The following FAM13B variants were observed in gnomAD, a reference collection of about 807,000 sequenced individuals.
FAM13B encodes protein FAM13B.
FAM13B carries 60 observed loss-of-function variants against 117.3 expected under a neutral mutation model. That is an observed-to-expected ratio of 0.51 (90% confidence interval 0.42 to 0.63). The LOEUF is 0.63. Among genes scored for constraint, FAM13B ranks in the 30% least tolerant of loss-of-function variants. The probability of loss-of-function intolerance (pLI) is 0.00; values close to 1 mark genes in which losing one functional copy is unlikely to be tolerated. For missense variants in FAM13B, 972 were observed against 1,091.9 expected (o/e 0.89, Z 1.55); for synonymous variants, 332 against 356.1 (o/e 0.93, Z 0.76).
At chr5:137,965,041 T>C (rs2150330706) in intron 10 of FAM13B, among the ~76,000 whole-genome samples, 1 of 152,190 alleles carries the variant, frequency 6.6e-6, no homozygotes, top group South Asian at 2.1e-4. Flanking sequence ...AGTGTGCGCC[T>C]GTAATCCCAG....
At chr5:137,971,999 C>T (rs1476364858) in intron 10 of FAM13B, among the ~76,000 whole-genome samples, 6 of 149,524 alleles carry the variant, frequency 4.0e-5, no homozygotes, top group Admixed American at 4.0e-4. Context: ...GAGTCCAGGA[C>T]CAGATGGATT....
intron 10 of FAM13B, among the ~76,000 whole-genome samples, chr5:137,973,807 C>T (rs1380402046): frequency 1.5e-5 from 2 of 134,584 alleles, no homozygotes; most frequent in Middle Eastern, 3.5e-3. Context: ...CATGAACAGA[C>T]ACTTCTCAAA....
chr5:137,948,697 T>C (rs1173889217), intron 18 of FAM13B, among the ~76,000 whole-genome samples: 1 of 152,192 alleles, frequency 6.6e-6, no homozygotes, highest in African/African-American at 2.4e-5. Flanking sequence ...TTCATGCTCT[T>C]TATACACTCA....
intron 7 of FAM13B, among the ~76,000 whole-genome samples, chr5:137,996,686 C>T (rs1165912573): frequency 6.6e-6 from 1 of 151,626 alleles, no homozygotes; most frequent in African/African-American, 2.4e-5. Context: ...CCACCTTCCG[C>T]GTTCAAGCGA....
chr5:137,942,966 A>G lies in FAM13B; in HGVS notation c.2497T>C (p.Ser833Pro), dbSNP rs1214316563. The G allele has an allele frequency of 1.2e-6, 2 of 1,613,768 alleles. No homozygotes were observed. The highest frequency in any genetic ancestry group is 1.3e-5 in the African/African-American group (1 of 75,026). ...TCAGATTCAGAGTTTTCTAATGAAG[A>G]CTGTACCTGTACTGCAGTTTTCAAC... The part of the protein sequence containing the change: ...DMLKTAVQVQ[S>P]SLENSESDVE... Residue 833 changes from serine to proline, a missense_variant, in exon 22 of 24, where the codon TCT (serine) becomes CCT (proline). Ser to Pro is a moderately conservative substitution (Grantham distance 74). Transcript: ENST00000689681.
chr5:137,950,356 G>A (rs1764611539), intron 17 of FAM13B, among the ~76,000 whole-genome samples: 1 of 152,194 alleles, frequency 6.6e-6, no homozygotes, highest in Non-Finnish European at 1.5e-5. Context: ...TGTCCCCAGT[G>A]AGGCAATAGC....
chr5:137,971,631 T>C (rs963710526), intron 10 of FAM13B, among the ~76,000 whole-genome samples: 8 of 151,536 alleles, frequency 5.3e-5, no homozygotes, highest in Non-Finnish European at 1.0e-4. Flanking sequence ...CTGAAGGAAA[T>C]AGAGATACAA....
At chr5:138,004,298 A>T (rs563610910) in intron 7 of FAM13B, among the ~76,000 whole-genome samples, 31 of 10,800 alleles carry the variant, frequency 2.9e-3, no homozygotes, top group Non-Finnish European at 4.8e-3. Flanking sequence ...ACAACCACTA[A>T]ATCTCCAATG....
chr5:137,998,057 T>G (rs1260587830), intron 7 of FAM13B, among the ~76,000 whole-genome samples: 5 of 152,220 alleles, frequency 3.3e-5, no homozygotes, highest in African/African-American at 1.2e-4. Context: ...GCCTACCCAA[T>G]CAAGTTATTT....
At chr5:138,020,194 G>T (rs1786338693) in intron 2 of FAM13B, among the ~76,000 whole-genome samples, 2 of 151,850 alleles carry the variant, frequency 1.3e-5, no homozygotes, top group African/African-American at 2.4e-5. Context: ...CCATGTAGCT[G>T]GGATTACAGG....
intron 9 of FAM13B, among the ~76,000 whole-genome samples, chr5:137,986,244 C>T (rs1370706837): frequency 6.6e-6 from 1 of 151,934 alleles, no homozygotes; most frequent in East Asian, 1.9e-4. Flanking sequence ...ATATGGTATT[C>T]CAAAAATAAA....
Position 138,033,065 on chromosome 5 carries a change from G to C in FAM13B, c.-486C>G, listed in dbSNP as rs935517879. 1.9e-5 allele frequency: 19 copies of C among 986,300 alleles called. No individual in the cohort carries two copies. Among genetic ancestry groups the C allele is most frequent in the Non-Finnish European group, 2.3e-5 (19 of 830,786 alleles). 61.1% of individuals were successfully genotyped at this position (986,300 alleles called of 1,614,324 possible). A position where few individuals can be genotyped will look rare whatever the true frequency, so the allele number is the denominator to read the frequency against. On this transcript the variant is annotated 5_prime_UTR_variant, in exon 1 of 24. Transcript: ENST00000689681. The stretch of plus-strand genomic sequence containing the variant: ...GTGCAGAGCCTCCCTAACGGCGAGC[G>C]GGAGGAGAGCGGCTGGCGGGCGGAG...
At chr5:137,991,801 G>A (rs1022563975) in intron 7 of FAM13B, among the ~76,000 whole-genome samples, 4 of 152,136 alleles carry the variant, frequency 2.6e-5, no homozygotes, top group Non-Finnish European at 5.9e-5. Context: ...ATCTAAACAT[G>A]AAAGGTAAAA....
chr5:137,980,628 C>T (rs181338179), intron 10 of FAM13B, among the ~76,000 whole-genome samples: 1 of 151,754 alleles, frequency 6.6e-6, no homozygotes, highest in Non-Finnish European at 1.5e-5. Flanking sequence ...TTTGTAGAGA[C>T]GGGGTTTCAC....
At position 138,018,423 on chromosome 5, in the gene FAM13B, C is replaced by T. The variant is rs1785781448; in HGVS notation, c.249G>A (p.Val83=). 2 of 1,614,102 alleles carry T rather than the reference C, an allele frequency of 1.2e-6. No homozygotes were observed. The highest frequency in any genetic ancestry group is 1.7e-6 in the Non-Finnish European group (2 of 1,180,024). The change falls in exon 4 of 24, where the codon GTG becomes GTA. Residue 83 remains valine (V), a synonymous_variant. Coordinates refer to ENST00000689681, the MANE Select transcript of FAM13B (RefSeq NM_001385994.1). ...GAACATCTGCTTCCTTAACCAAATC[C>T]ACCTCTTCTCCGCTGTCGTATCTCT... is the stretch of plus-strand genomic sequence containing the variant. ...LRQRYDSGEE[V]DLVKEADVPS...
At chr5:137,955,747 T>A (rs1766336149) in intron 14 of FAM13B, among the ~76,000 whole-genome samples, 1 of 152,190 alleles carries the variant, frequency 6.6e-6, no homozygotes, top group South Asian at 2.1e-4. Context: ...TTCTCCTGCC[T>A]CAGCCTCCCA....
At position 137,939,742 on chromosome 5, in the gene FAM13B, A is replaced by C; in HGVS notation, c.*483T>G. The C allele has an allele frequency of 1.8e-6, 1 of 541,638 alleles. No individual in the cohort carries two copies. The highest frequency in any genetic ancestry group is 2.4e-6 in the Non-Finnish European group (1 of 408,376). 33.6% of individuals were successfully genotyped at this position (541,638 alleles called of 1,614,324 possible). A position where few individuals can be genotyped will look rare whatever the true frequency, so the allele number is the denominator to read the frequency against. ...TTTGATTTTGGTTTTCTAGGAAAAC[A>C]GAGAACACAGTTGCGTATGTGCACT... On this transcript the variant is annotated 3_prime_UTR_variant, in exon 24 of 24. Coordinates refer to ENST00000689681, the MANE Select transcript of FAM13B (RefSeq NM_001385994.1).
intron 6 of FAM13B, among the ~76,000 whole-genome samples, chr5:138,007,530 C>T (rs1782852036): frequency 6.6e-6 from 1 of 151,982 alleles, no homozygotes; most frequent in South Asian, 2.1e-4. Flanking sequence ...TTTCCAGGTG[C>T]CTTAAACAAG....
chr5:137,984,578 T>C (rs1455513254), intron 10 of FAM13B, among the ~76,000 whole-genome samples: 2 of 152,170 alleles, frequency 1.3e-5, no homozygotes, highest in South Asian at 2.1e-4. Context: ...ACCAATATTC[T>C]GTTACAGGGA....
Sources: allele counts gnomAD v4.1 joint callset (sites outside exome capture counted in the v4.1 genomes callset), GRCh38; gene constraint gnomAD v4.1.1; transcripts MANE v1.5; gene names NCBI Gene and HGNC (gene_info 2026-07-23, HGNC 2026-07-21).